TMC1: variants seen among roughly 807,000 people sequenced by gnomAD.
The protein encoded by TMC1 is transmembrane channel-like protein 1.
A neutral mutation model predicts 105.8 loss-of-function variants in TMC1; 84 were observed. The ratio of observed to expected loss-of-function variants is 0.79; its 90% confidence interval spans 0.67 to 0.95. TMC1 has a LOEUF of 0.95. Among genes scored for constraint, TMC1 ranks in the 40% least tolerant of loss-of-function variants. The pLI is 0.00. For missense variants in TMC1, 817 were observed against 914.1 expected (o/e 0.89, Z 1.37); for synonymous variants, 315 against 311.5 (o/e 1.01, Z -0.12).
At chr9:72,656,781 T>C (rs1185723982) in intron 5 of TMC1, among the ~76,000 whole-genome samples, 1 of 152,058 alleles carries the variant, frequency 6.6e-6, no homozygotes, top group Non-Finnish European at 1.5e-5. Context: ...TTGGATTTCT[T>C]TTTTTTCCCC....
Position 72,524,650 on chromosome 9 carries a change from T to G in TMC1, c.-428+2737T>G, listed in dbSNP as rs139659693. On this transcript the variant is annotated intron_variant, in intron 1 of 23. Transcript: ENST00000297784. Reference sequence around the variant, plus strand: ...TTTCCCTGCAATGAAAGAAAACCGATAAACACAAAATGTTGTATCCCATAT... The same window carrying G: ...TTTCCCTGCAATGAAAGAAAACCGAGAAACACAAAATGTTGTATCCCATAT... Among the ~76,000 whole-genome samples, 62 of 152,296 alleles carry G rather than the reference T, an allele frequency of 4.1e-4. 2 individuals carry two copies. In the East Asian group the frequency reaches 0.012, roughly 29 times the overall value.
At chr9:72,696,513 A>C (rs1826553435) in intron 7 of TMC1, among the ~76,000 whole-genome samples, 1 of 152,198 alleles carries the variant, frequency 6.6e-6, no homozygotes, top group Non-Finnish European at 1.5e-5. Flanking sequence ...CTTAGATAAT[A>C]TTTTTGAGAA....
intron 12 of TMC1, among the ~76,000 whole-genome samples, chr9:72,758,674 A>C (rs1827708843): frequency 6.6e-6 from 1 of 152,196 alleles, no homozygotes; most frequent in Non-Finnish European, 1.5e-5. Flanking sequence ...TTGGACAATA[A>C]GGAAAGAGTA....
chr9:72,700,721 T>C (rs1826628540), intron 8 of TMC1, 78 bp downstream of exon 8: 1 of 219,552 alleles, frequency 4.6e-6, no homozygotes, highest in African/African-American at 4.8e-5. Flanking sequence ...TCCATATATA[T>C]ATATATATAT....
At chr9:72,576,777 C>T (rs866693883) in intron 1 of TMC1, among the ~76,000 whole-genome samples, 21 of 152,068 alleles carry the variant, frequency 1.4e-4, no homozygotes, top group African/African-American at 5.1e-4. Flanking sequence ...TGCAGGCATG[C>T]GCCACCACAC....
chr9:72,751,447 T>C (rs916449746), intron 10 of TMC1, among the ~76,000 whole-genome samples: 7 of 152,370 alleles, frequency 4.6e-5, no homozygotes, highest in East Asian at 1.9e-4. Flanking sequence ...ATTATAATTA[T>C]AGTGATAGCT....
intron 1 of TMC1, among the ~76,000 whole-genome samples, chr9:72,570,448 C>T (rs755439506): frequency 1.5e-4 from 23 of 151,964 alleles, no homozygotes; most frequent in Admixed American, 2.0e-4. Context: ...AGACCACCAT[C>T]ATGAACAGTT....
intron 1 of TMC1, among the ~76,000 whole-genome samples, chr9:72,555,286 C>T (rs961191040): frequency 2.0e-5 from 3 of 151,126 alleles, no homozygotes; most frequent in Non-Finnish European, 2.9e-5. Flanking sequence ...ACCTCCATCT[C>T]CCGGGTTCAA....
At chr9:72,699,535 T>G (rs1043286153) in intron 7 of TMC1, among the ~76,000 whole-genome samples, 5 of 152,156 alleles carry the variant, frequency 3.3e-5, no homozygotes, top group African/African-American at 1.2e-4. Flanking sequence ...AATAAAATAT[T>G]TAAACGAAAT....
chr9:72,789,235 A>G lies in TMC1; in HGVS notation c.1142A>G (p.Tyr381Cys), dbSNP rs1246048245. 26 of 1,613,854 alleles carry G rather than the reference A, an allele frequency of 1.6e-5. No individual in the cohort carries two copies. The Admixed American group carries it at 4.2e-4, about 26-fold the overall frequency. The change falls in exon 15 of 24, where the codon TAC (tyrosine) becomes TGC (cysteine). Residue 381 changes from tyrosine (Y) to cysteine (C), a missense_variant. Coordinates refer to ENST00000297784, the MANE Select transcript of TMC1 (RefSeq NM_138691.3). ...TTTCTAACACTTGGAGGGAGTGGAT[A>G]CCTCATCTTTTGGGCTGTGAAGCGA... ...FVFLTLGGSG[Y>C]LIFWAVKRSQ...
chr9:72,768,422 G>A (rs1392759767), intron 12 of TMC1, among the ~76,000 whole-genome samples: 1 of 152,106 alleles, frequency 6.6e-6, no homozygotes, highest in East Asian at 1.9e-4. Context: ...GTATACCTAT[G>A]TAACAAACCT....
At chr9:72,642,026 C>T (rs1427567946) in intron 4 of TMC1, among the ~76,000 whole-genome samples, 1 of 151,742 alleles carries the variant, frequency 6.6e-6, no homozygotes, top group African/African-American at 2.4e-5. Context: ...ATGATAGTGG[C>T]CAGGCTGGTT....
intron 23 of TMC1, among the ~76,000 whole-genome samples, chr9:72,832,526 A>C (rs1829057176): frequency 6.6e-6 from 1 of 152,114 alleles, no homozygotes; most frequent in Non-Finnish European, 1.5e-5. Flanking sequence ...GTCAGTCAGG[A>C]CCCATCCTTG....
At chr9:72,824,692 A>G (rs1172350403) in intron 20 of TMC1, among the ~76,000 whole-genome samples, 1 of 152,250 alleles carries the variant, frequency 6.6e-6, no homozygotes, top group Non-Finnish European at 1.5e-5. Flanking sequence ...AAAAAAGGCT[A>G]AAGTGAAGGT....
At chr9:72,538,922 T>TA (rs1304390986) in intron 1 of TMC1, among the ~76,000 whole-genome samples, 3 of 152,138 alleles carry the variant, frequency 2.0e-5, no homozygotes, top group Non-Finnish European at 4.4e-5. Flanking sequence ...GAGGGTGTAA[T>TA]AAGGCATGTT....
chr9:72,629,119 T>C (rs1414453142), intron 4 of TMC1, among the ~76,000 whole-genome samples: 1 of 152,252 alleles, frequency 6.6e-6, no homozygotes, highest in African/African-American at 2.4e-5. Flanking sequence ...AGGTGTGCTT[T>C]ATGATCACCA....
chr9:72,832,066 C>T (rs1829051411), intron 23 of TMC1, among the ~76,000 whole-genome samples: 1 of 151,942 alleles, frequency 6.6e-6, no homozygotes, highest in African/African-American at 2.4e-5. Context: ...AGTGATCCTT[C>T]CTCCTCAGCC....
intron 1 of TMC1, among the ~76,000 whole-genome samples, chr9:72,564,276 A>C (rs1220503526): frequency 2.0e-5 from 3 of 152,228 alleles, no homozygotes; most frequent in Admixed American, 2.0e-4. Flanking sequence ...TCTAATGATA[A>C]TAGCTTAGAA....
intron 13 of TMC1, among the ~76,000 whole-genome samples, chr9:72,785,277 A>G (rs1296264246): frequency 1.3e-5 from 2 of 152,180 alleles, no homozygotes; most frequent in African/African-American, 4.8e-5. Context: ...TTCAGTCCAC[A>G]TATTTAATGA....
Sources: gnomAD v4.1 joint callset for allele counts (sites outside exome capture counted in the v4.1 genomes callset) on GRCh38, gnomAD v4.1.1 for gene constraint, MANE v1.5 for transcripts, NCBI Gene and HGNC (gene_info 2026-07-23, HGNC 2026-07-21) for gene names.